The following CAMKMT variants were observed in gnomAD, a reference collection of about 807,000 sequenced individuals.
CAMKMT encodes CaM KMT.
A neutral mutation model predicts 48.0 loss-of-function variants in CAMKMT; 53 were observed. The observed-to-expected ratio is 1.10, with a 90% confidence interval of 0.89 to 1.39. The LOEUF (loss-of-function observed/expected upper bound fraction) is 1.39. Ranked by LOEUF, CAMKMT falls within the 40% of genes most tolerant of loss-of-function variation. The pLI is 0.00. For missense variants in CAMKMT, 428 were observed against 402.7 expected (o/e 1.06, Z -0.54); for synonymous variants, 165 against 152.3 (o/e 1.08, Z -0.61).
chr2:44,389,964 C>T (rs529544862), intron 2 of CAMKMT, among the ~76,000 whole-genome samples: 1 of 152,110 alleles, frequency 6.6e-6, no homozygotes, highest in Admixed American at 6.6e-5. Context: ...AAGAACTTCC[C>T]TTTACATAAT....
At chr2:44,370,620 T>C (rs1679080618) in intron 1 of CAMKMT, among the ~76,000 whole-genome samples, 1 of 150,334 alleles carries the variant, frequency 6.7e-6, no homozygotes, top group South Asian at 2.1e-4. Flanking sequence ...CGATCCTCTC[T>C]CCTGTGTTTG....
intron 3 of CAMKMT, among the ~76,000 whole-genome samples, chr2:44,450,691 C>T (rs898542465): frequency 1.3e-5 from 2 of 151,476 alleles, no homozygotes; most frequent in African/African-American, 2.4e-5. Flanking sequence ...GCATTTCTTT[C>T]GTATTTGAAA....
At chr2:44,603,711 A>G (rs947025361) in intron 3 of CAMKMT, among the ~76,000 whole-genome samples, 7 of 152,224 alleles carry the variant, frequency 4.6e-5, no homozygotes, top group Non-Finnish European at 8.8e-5. Context: ...ATACATACAC[A>G]TAGTCAAATT....
chr2:44,429,390 G>A (rs974690923), intron 3 of CAMKMT, among the ~76,000 whole-genome samples: 1 of 150,824 alleles, frequency 6.6e-6, no homozygotes, highest in African/African-American at 2.4e-5. Context: ...CTACTGTTTC[G>A]GTTTGTTCAA....
intron 10 of CAMKMT, among the ~76,000 whole-genome samples, chr2:44,768,474 G>A (rs1680953456): frequency 6.6e-6 from 1 of 151,678 alleles, no homozygotes; most frequent in Admixed American, 6.6e-5. Flanking sequence ...GGGATACTGT[G>A]TGCTGACCGG....
chr2:44,406,461 G>C (rs2104461692), intron 3 of CAMKMT, among the ~76,000 whole-genome samples: 1 of 149,812 alleles, frequency 6.7e-6, no homozygotes, highest in East Asian at 1.9e-4. Context: ...TGTCACCCTT[G>C]AGTTTCTCTT....
chr2:44,428,346 C>G (rs1258440453), intron 3 of CAMKMT, among the ~76,000 whole-genome samples: 1 of 152,228 alleles, frequency 6.6e-6, no homozygotes, highest in African/African-American at 2.4e-5. Flanking sequence ...TCAGCTGCCT[C>G]TTCTCTTCTC....
chr2:44,574,894 C>T (rs1669127239), intron 3 of CAMKMT, among the ~76,000 whole-genome samples: 1 of 151,586 alleles, frequency 6.6e-6, no homozygotes, highest in Non-Finnish European at 1.5e-5. Context: ...GCATGAGCCA[C>T]CACGCCCAGC....
At chr2:44,494,152 A>G (rs577024817) in intron 3 of CAMKMT, among the ~76,000 whole-genome samples, 12 of 152,318 alleles carry the variant, frequency 7.9e-5, no homozygotes, top group Admixed American at 7.8e-4. Context: ...TTTTTCTGTC[A>G]CTTTGTATTC....
At chr2:44,690,424 C>G (rs1019864986) in intron 3 of CAMKMT, among the ~76,000 whole-genome samples, 10 of 152,258 alleles carry the variant, frequency 6.6e-5, no homozygotes, top group African/African-American at 2.4e-4. Flanking sequence ...GATTCTAGGA[C>G]CAGCCATCAG....
intron 3 of CAMKMT, among the ~76,000 whole-genome samples, chr2:44,686,638 G>T (rs192729927): frequency 6.6e-6 from 1 of 152,250 alleles, no homozygotes; most frequent in Non-Finnish European, 1.5e-5. Flanking sequence ...GCTTTGCCAT[G>T]AACACGTTTG....
chr2:44,484,043 T>C (rs529605793), intron 3 of CAMKMT, among the ~76,000 whole-genome samples: 6 of 152,300 alleles, frequency 3.9e-5, no homozygotes, highest in Admixed American at 6.5e-5. Flanking sequence ...CTGAAATACC[T>C]CATAGTGGTA....
chr2:44,394,706 G>A (rs997631603), intron 3 of CAMKMT, among the ~76,000 whole-genome samples: 10 of 152,170 alleles, frequency 6.6e-5, no homozygotes, highest in Admixed American at 1.3e-4. Context: ...GGGATTATAG[G>A]CAAGAGCCAC....
At chr2:44,691,020 C>G (rs1264432877) in intron 3 of CAMKMT, among the ~76,000 whole-genome samples, 1 of 152,050 alleles carries the variant, frequency 6.6e-6, no homozygotes, top group Non-Finnish European at 1.5e-5. Context: ...CAAACACTAA[C>G]TGAGCACTTA....
intron 3 of CAMKMT, among the ~76,000 whole-genome samples, chr2:44,575,172 G>A (rs1459485534): frequency 1.3e-5 from 2 of 151,928 alleles, no homozygotes; most frequent in East Asian, 1.9e-4. Flanking sequence ...TCCGTCTCCC[G>A]GTTTCAAGTG....
At chr2:44,574,658 G>A (rs6723043) in intron 3 of CAMKMT, among the ~76,000 whole-genome samples, 149,418 of 151,602 alleles carry the variant, frequency 0.99, 73,638 homozygotes, top group East Asian at 1. Flanking sequence ...CTGAGGTTGC[G>A]TTGACTTATA....
At chr2:44,394,491 A>G (rs1026291524) in intron 3 of CAMKMT, among the ~76,000 whole-genome samples, 1 of 151,362 alleles carries the variant, frequency 6.6e-6, no homozygotes, top group Non-Finnish European at 1.5e-5. Flanking sequence ...GCAATGGTGC[A>G]ATCTTGGCTC....
chr2:44,391,931 G>A (rs1189222218), intron 3 of CAMKMT: 1 of 152,536 alleles, frequency 6.6e-6, no homozygotes, highest in Non-Finnish European at 1.5e-5. Flanking sequence ...TTGACTTCTG[G>A]CTCTGAAATT....
At chr2:44,394,730 A>T (rs1275786638) in intron 3 of CAMKMT, among the ~76,000 whole-genome samples, 1 of 152,104 alleles carries the variant, frequency 6.6e-6, no homozygotes, top group Non-Finnish European at 1.5e-5. Context: ...GCCTGACCTG[A>T]CCAGGATTTT....
Sources: gnomAD v4.1 joint callset for allele counts (sites outside exome capture counted in the v4.1 genomes callset) on GRCh38, gnomAD v4.1.1 for gene constraint, MANE v1.5 for transcripts, NCBI Gene and HGNC (gene_info 2026-07-23, HGNC 2026-07-21) for gene names.